Variants in LRP1B observed in about 807,000 individuals in gnomAD.
LRP1B encodes LDL receptor related protein 1B.
In LRP1B, 217 loss-of-function variants were observed where a neutral mutation model predicts 556.6. The observed-to-expected ratio is 0.39, with a 90% CI of 0.35 to 0.44. LRP1B has a LOEUF of 0.44. Among genes scored for constraint, LRP1B ranks in the 20% least tolerant of loss-of-function variants. LRP1B has a pLI of 1.00. For synonymous variants in LRP1B, 2,047 were observed against 1,865.8 expected (o/e 1.10, Z -2.50); for missense variants, 5,053 against 5,620.8 (o/e 0.90, Z 3.23).
chr2:141,724,665 A>G (rs1208856200), intron 2 of LRP1B, among the ~76,000 whole-genome samples: 1 of 151,772 alleles, frequency 6.6e-6, no homozygotes, highest in Non-Finnish European at 1.5e-5. Context: ...ATTGACTATC[A>G]GTGTTTTTGT....
At chr2:140,853,343 C>T (rs927520815) in intron 27 of LRP1B, among the ~76,000 whole-genome samples, 2 of 152,056 alleles carry the variant, frequency 1.3e-5, no homozygotes, top group African/African-American at 2.4e-5. Context: ...ATAAAACTAC[C>T]GAGATTTTAA....
chr2:141,934,688 GT>G lies in LRP1B; in HGVS notation c.83-124288del, dbSNP rs1390989211. On this transcript the variant is annotated intron_variant, in intron 1 of 90. Transcript: ENST00000389484. Reference sequence around the variant, plus strand: ...ATGCTGTTCTCATGATAGTGAGCAAGTTCTGACGAGATCTGATCGTTTTATA... The same window carrying G: ...ATGCTGTTCTCATGATAGTGAGCAAGTCTGACGAGATCTGATCGTTTTATA... Among the ~76,000 whole-genome samples, 4 of 152,168 alleles carry G rather than the reference GT, an allele frequency of 2.6e-5. No individual in the cohort carries two copies. The South Asian group carries it at 6.2e-4, about 24-fold the overall frequency.
At chr2:140,263,455 A>C (rs1050894915) in intron 86 of LRP1B, among the ~76,000 whole-genome samples, 2 of 151,942 alleles carry the variant, frequency 1.3e-5, no homozygotes, top group Admixed American at 6.6e-5. Context: ...TTTTCTACTT[A>C]TTTTTCAACA....
intron 29 of LRP1B, among the ~76,000 whole-genome samples, chr2:140,846,418 A>G (rs1243153266): frequency 6.6e-6 from 1 of 152,034 alleles, no homozygotes. Flanking sequence ...TTAGCTGGGC[A>G]TGGTGGCGGG....
At chr2:141,075,252 T>C (rs141366626) in intron 7 of LRP1B, among the ~76,000 whole-genome samples, 2 of 152,296 alleles carry the variant, frequency 1.3e-5, no homozygotes, top group African/African-American at 4.8e-5. Flanking sequence ...ATTCAAAAAA[T>C]AATTTGGAGT....
rs1310652969 is a variant in LRP1B, at chr2:140,311,118, A to G, written c.12805+3817T>C. Among the ~76,000 whole-genome samples the G allele has an allele frequency of 1.3e-5, 2 of 151,836 alleles. 1 individual carries two copies. Among genetic ancestry groups the G allele is most frequent in the East Asian group, 3.9e-4 (2 of 5,194 alleles). ...AGCCTCTATGGAAAACAGTATGGAG[A>G]TTTCTCAGATAGCTAAAAATAAAAC... On this transcript the variant is annotated intron_variant, in intron 83 of 90. Coordinates refer to ENST00000389484, the MANE Select transcript of LRP1B (RefSeq NM_018557.3).
intron 3 of LRP1B, among the ~76,000 whole-genome samples, chr2:141,465,948 G>A (rs1573976983): frequency 6.6e-6 from 1 of 151,948 alleles, no homozygotes; most frequent in East Asian, 1.9e-4. Flanking sequence ...GAGTGCAATG[G>A]CACGATCTTG....
chr2:141,619,836 G>A (rs1468597042), intron 2 of LRP1B, among the ~76,000 whole-genome samples: 2 of 152,152 alleles, frequency 1.3e-5, no homozygotes, highest in African/African-American at 2.4e-5. Context: ...TGATAGAACT[G>A]TAAGTTGAGA....
At chr2:141,643,229 T>C (rs1689412433) in intron 2 of LRP1B, among the ~76,000 whole-genome samples, 1 of 152,172 alleles carries the variant, frequency 6.6e-6, no homozygotes, top group African/African-American at 2.4e-5. Flanking sequence ...TGGTCTTCTT[T>C]AAATTACTTT....
At chr2:141,192,997 C>T (rs755400064) in intron 6 of LRP1B, among the ~76,000 whole-genome samples, 2 of 151,832 alleles carry the variant, frequency 1.3e-5, no homozygotes, top group Non-Finnish European at 2.9e-5. Flanking sequence ...AATGACACAT[C>T]AATTTTTTTG....
At chr2:142,119,650 T>C (rs1318123511) in intron 1 of LRP1B, among the ~76,000 whole-genome samples, 1 of 152,168 alleles carries the variant, frequency 6.6e-6, no homozygotes, top group Non-Finnish European at 1.5e-5. Context: ...AATATTTCCT[T>C]CAAATAGTGT....
intron 7 of LRP1B, among the ~76,000 whole-genome samples, chr2:141,146,085 C>T (rs1361090155): frequency 3.3e-5 from 5 of 151,670 alleles, no homozygotes; most frequent in Admixed American, 6.6e-5. Flanking sequence ...CCACCATGCC[C>T]GGCTAATTTT....
intron 66 of LRP1B, among the ~76,000 whole-genome samples, chr2:140,408,904 T>C (rs923611345): frequency 1.3e-5 from 2 of 151,894 alleles, no homozygotes; most frequent in African/African-American, 4.8e-5. Flanking sequence ...GAACATATAT[T>C]TAGCAAGAGT....
At chr2:141,140,632 C>T (rs1311481106) in intron 7 of LRP1B, among the ~76,000 whole-genome samples, 1 of 152,084 alleles carries the variant, frequency 6.6e-6, no homozygotes, top group Non-Finnish European at 1.5e-5. Context: ...AGATGGCAGC[C>T]ATCTGCAAGC....
intron 7 of LRP1B, among the ~76,000 whole-genome samples, chr2:141,184,079 C>A (rs1681127838): frequency 1.3e-5 from 2 of 151,946 alleles, no homozygotes; most frequent in East Asian, 1.9e-4. Flanking sequence ...AGTTACAATC[C>A]TCATTAGACC....
At chr2:141,544,689 AG>A (rs1194685333) in intron 2 of LRP1B, among the ~76,000 whole-genome samples, 1 of 151,814 alleles carries the variant, frequency 6.6e-6, no homozygotes. Context: ...TTTTTGGGAC[AG>A]GGTCTCACGT....
Position 140,495,839 on chromosome 2 carries a change from T to C in LRP1B, c.8851-91A>G, listed in dbSNP as rs11683334. 0.56 allele frequency: 556,885 copies of C among 1,002,178 alleles called. 157,846 individuals are homozygous for C. The highest frequency in any genetic ancestry group is 0.73 in the East Asian group (27,873 of 38,044). 62.1% of individuals were successfully genotyped at this position (1,002,178 alleles called of 1,614,324 possible). A position where few individuals can be genotyped will look rare whatever the true frequency, so the allele number is the denominator to read the frequency against. On this transcript the variant is annotated intron_variant, in intron 55 of 90. Coordinates refer to ENST00000389484, the MANE Select transcript of LRP1B (RefSeq NM_018557.3). The stretch of plus-strand genomic sequence containing the variant: ...TCTTTAGCATTAAGCAAGAAAAGCA[T>C]TTGAAAATAGATAAAGGCAAGTCTT...
At chr2:141,609,019 T>C (rs565215141) in intron 2 of LRP1B, among the ~76,000 whole-genome samples, 4 of 152,298 alleles carry the variant, frequency 2.6e-5, no homozygotes, top group South Asian at 2.1e-4. Context: ...ATTTTCTCAA[T>C]TTTTTGTGCT....
At chr2:141,195,504 C>T (rs577023350) in intron 6 of LRP1B, among the ~76,000 whole-genome samples, 1 of 152,242 alleles carries the variant, frequency 6.6e-6, no homozygotes, top group South Asian at 2.1e-4. Context: ...CAAAAGATAA[C>T]TCAGTAGTCA....
Sources: gnomAD v4.1 joint callset for allele counts (sites outside exome capture counted in the v4.1 genomes callset) on GRCh38, gnomAD v4.1.1 for gene constraint, MANE v1.5 for transcripts, NCBI Gene and HGNC (gene_info 2026-07-23, HGNC 2026-07-21) for gene names.